SLC44A1: variants seen among roughly 807,000 people sequenced by gnomAD.
SLC44A1 encodes the protein solute carrier family 44 member 1.
In SLC44A1, 26 loss-of-function variants were observed where a neutral mutation model predicts 79.3. That is an observed-to-expected ratio of 0.33 (90% confidence interval 0.24 to 0.46). The LOEUF (loss-of-function observed/expected upper bound fraction) is 0.46. Among genes scored for constraint, SLC44A1 ranks in the 20% least tolerant of loss-of-function variants. SLC44A1 has a pLI of 1.00. For synonymous variants in SLC44A1, 263 were observed against 286.2 expected (o/e 0.92, Z 0.82); for missense variants, 688 against 798.1 (o/e 0.86, Z 1.66).
Position 105,272,534 on chromosome 9 carries a change from C to T in SLC44A1, c.37-26686C>T, listed in dbSNP as rs1184691138. ...CACCATCAAGAACAAACTTATATAC[C>T]TTTGAGAAAGGCTGAGAGAAAAAAA... On this transcript the variant is annotated intron_variant, in intron 1 of 15. Coordinates refer to ENST00000374720, the MANE Select transcript of SLC44A1 (RefSeq NM_080546.5). 2.0e-5 allele frequency among the ~76,000 whole-genome samples: 3 copies of T among 150,958 alleles called. No individual in the cohort carries two copies. In the East Asian group the frequency reaches 5.8e-4, roughly 29 times the overall value.
intron 3 of SLC44A1, among the ~76,000 whole-genome samples, chr9:105,314,979 C>G (rs1831280130): frequency 6.6e-6 from 1 of 152,192 alleles, no homozygotes; most frequent in African/African-American, 2.4e-5. Context: ...CAATTCTCAC[C>G]CTCAGTCGGT....
chr9:105,327,410 G>A (rs569430396), intron 3 of SLC44A1, among the ~76,000 whole-genome samples: 11 of 152,100 alleles, frequency 7.2e-5, no homozygotes, highest in Non-Finnish European at 1.5e-4. Context: ...AGCCTCCCAA[G>A]TAGCTGGGAT....
intron 3 of SLC44A1, among the ~76,000 whole-genome samples, chr9:105,326,663 A>G (rs1826586939): frequency 6.6e-6 from 1 of 152,216 alleles, no homozygotes; most frequent in African/African-American, 2.4e-5. Context: ...TCTTCAGAAA[A>G]ATACATATGG....
chr9:105,350,140 G>C (rs989500155), intron 5 of SLC44A1, among the ~76,000 whole-genome samples: 5 of 152,204 alleles, frequency 3.3e-5, no homozygotes, highest in Non-Finnish European at 7.4e-5. Flanking sequence ...AAAACTGACG[G>C]CATGCTGTGT....
At chr9:105,425,589 G>A (rs1191944630) in intron 15 of SLC44A1, among the ~76,000 whole-genome samples, 2 of 152,144 alleles carry the variant, frequency 1.3e-5, no homozygotes, top group South Asian at 2.1e-4. Context: ...TTGGGAGGTC[G>A]AGGCGGGCAG....
chr9:105,278,064 T>G (rs1202076110), intron 1 of SLC44A1, among the ~76,000 whole-genome samples: 1 of 149,620 alleles, frequency 6.7e-6, no homozygotes, highest in Non-Finnish European at 1.5e-5. Flanking sequence ...ATTTGCAGCC[T>G]TCTTTTTTTT....
chr9:105,435,320 A>G (rs1413312968), intron 15 of SLC44A1, among the ~76,000 whole-genome samples: 2 of 152,258 alleles, frequency 1.3e-5, no homozygotes, highest in East Asian at 3.8e-4. Flanking sequence ...AAGTGTGAGC[A>G]GCAAGGCTGT....
Position 105,290,597 on chromosome 9 carries a change from C to T in SLC44A1, c.37-8623C>T, listed in dbSNP as rs117187682. ...CTTGGCCTCTGCCCAGTAATTATCA[C>T]GTGTTCATATGCAAGAAAGACAGTC... On this transcript the variant is annotated intron_variant, in intron 1 of 15. Transcript: ENST00000374720. Among the ~76,000 whole-genome samples, 609 of 152,318 alleles carry T rather than the reference C, an allele frequency of 4.0e-3. 5 individuals are homozygous for T. The highest frequency in any genetic ancestry group is 5.3e-3 in the Non-Finnish European group (360 of 68,026).
rs186319526 is a variant in SLC44A1 at position 105,425,683 on chromosome 9, C to G, written c.1951-12598C>G. Reference sequence around the variant, plus strand: ...ACTAAAAATACAAAAATTAGCCGGGCGTGATGGCGGGTGCCTGTAATCCCA... The same window carrying G: ...ACTAAAAATACAAAAATTAGCCGGGGGTGATGGCGGGTGCCTGTAATCCCA... On this transcript the variant is annotated intron_variant, in intron 15 of 15. Coordinates refer to the SLC44A1 transcript ENST00000374724. Among the ~76,000 whole-genome samples, 10 of 152,156 alleles carry G rather than the reference C, an allele frequency of 6.6e-5. No individual in the cohort carries two copies. In the East Asian group the frequency reaches 1.9e-3, roughly 29 times the overall value.
At chr9:105,405,926 A>G (rs1003792269) in intron 15 of SLC44A1, among the ~76,000 whole-genome samples, 24 of 152,292 alleles carry the variant, frequency 1.6e-4, no homozygotes, top group African/African-American at 5.8e-4. Flanking sequence ...AAGCTCCTGC[A>G]TATACTAGGA....
rs746035227 is a variant in SLC44A1 at position 105,361,348 on chromosome 9, C to T, written c.900+18C>T. The T allele has an allele frequency of 5.8e-6, 9 of 1,563,154 alleles. No individual in the cohort carries two copies. The highest frequency in any genetic ancestry group is 2.3e-5 in the East Asian group (1 of 44,374). ...TGTTCACAGTGAGTTTAGGCTTTGG[C>T]GTGTCTTTCGGTTTTGTGTTTTTGT... On this transcript the variant is annotated intron_variant, in intron 8 of 15. Coordinates refer to ENST00000374720, the MANE Select transcript of SLC44A1 (RefSeq NM_080546.5).
intron 8 of SLC44A1, among the ~76,000 whole-genome samples, chr9:105,362,319 T>C (rs1199136791): frequency 6.6e-6 from 1 of 152,192 alleles, no homozygotes; most frequent in Admixed American, 6.5e-5. Flanking sequence ...GTTATACAGA[T>C]ATTACAACAA....
chr9:105,413,920 G>C (rs979445526), intron 15 of SLC44A1, among the ~76,000 whole-genome samples: 1 of 151,954 alleles, frequency 6.6e-6, no homozygotes, highest in Non-Finnish European at 1.5e-5. Context: ...ATTGAGCACA[G>C]AGTGAAAGGC....
chr9:105,327,650 G>C (rs1826621445), intron 3 of SLC44A1, among the ~76,000 whole-genome samples: 4 of 152,096 alleles, frequency 2.6e-5, no homozygotes, highest in Admixed American at 6.6e-5. Flanking sequence ...CTTGTTTTCA[G>C]CTGTGCCATG....
chr9:105,364,429 A>G, intron 9 of SLC44A1, 126 bp from the exon 10 acceptor site: 5 of 681,706 alleles, frequency 7.3e-6, no homozygotes, highest in Non-Finnish European at 2.4e-6. Flanking sequence ...TTGTCCCTTT[A>G]TGAAATACCA....
downstream of SLC44A1, among the ~76,000 whole-genome samples, chr9:105,399,944 C>T (rs545095788): frequency 2.0e-5 from 3 of 152,208 alleles, no homozygotes; most frequent in South Asian, 6.2e-4. Context: ...GCCTGTAATC[C>T]CAGCATTTTG....
chr9:105,278,879 A>G (rs1370961636), intron 1 of SLC44A1, among the ~76,000 whole-genome samples: 4 of 152,196 alleles, frequency 2.6e-5, no homozygotes, highest in Non-Finnish European at 5.9e-5. Context: ...AAACTTGTCT[A>G]TGCTTGAAAA....
intron 3 of SLC44A1, among the ~76,000 whole-genome samples, chr9:105,320,662 C>G (rs1438725456): frequency 6.6e-6 from 1 of 152,102 alleles, no homozygotes; most frequent in African/African-American, 2.4e-5. Flanking sequence ...TTATAGCACG[C>G]TACAGCCTCG....
intron 1 of SLC44A1, among the ~76,000 whole-genome samples, chr9:105,265,645 T>C (rs1044624879): frequency 6.6e-6 from 1 of 152,192 alleles, no homozygotes. Context: ...GGGAGTGGAA[T>C]TGCTGGGTTG....
Sources: allele counts gnomAD v4.1 joint callset (sites outside exome capture counted in the v4.1 genomes callset), GRCh38; gene constraint gnomAD v4.1.1; transcripts MANE v1.5; gene names NCBI Gene and HGNC (gene_info 2026-07-23, HGNC 2026-07-21).